The following KIRREL3 variants were observed in gnomAD, a reference collection of about 807,000 sequenced individuals.
KIRREL3 encodes kin of IRRE-like protein 3.
Under a neutral mutation model 89.7 loss-of-function variants are expected in KIRREL3, and 36 were observed. That is an observed-to-expected ratio of 0.40 (90% confidence interval 0.31 to 0.53). KIRREL3 has a LOEUF of 0.53. Among genes scored for constraint, KIRREL3 ranks in the 20% least tolerant of loss-of-function variants. The pLI, the probability that KIRREL3 is intolerant of heterozygous loss-of-function variation, is 0.49. For synonymous variants in KIRREL3, 445 were observed against 441.4 expected (o/e 1.01, Z -0.10); for missense variants, 864 against 1,056.6 (o/e 0.82, Z 2.53).
chr11:126,463,396 G>T lies in KIRREL3; in HGVS notation c.592-89C>A. 7.6e-7 allele frequency: 1 copy of T among 1,315,880 alleles called. No individual in the cohort carries two copies. The highest frequency in any genetic ancestry group is 1.4e-5 in the South Asian group (1 of 71,698). 81.5% of individuals were successfully genotyped at this position (1,315,880 alleles called of 1,614,324 possible). On this transcript the variant is annotated intron_variant, in intron 5 of 16. Transcript: ENST00000525144. The surrounding 1 kb of genome is among the most constrained non-coding windows in gnomAD (Gnocchi z 5.9). ...TTGGGGGTAAACGAGCACCAGCTTAGACAGAAGGGGGAGCTGTGGATGGAG... is the reference window on the plus strand; with the variant it reads ...TTGGGGGTAAACGAGCACCAGCTTATACAGAAGGGGGAGCTGTGGATGGAG...
At chr11:126,603,061 C>T (rs574939556) in intron 1 of KIRREL3, among the ~76,000 whole-genome samples, 10 of 152,270 alleles carry the variant, frequency 6.6e-5, no homozygotes, top group East Asian at 3.9e-4. Flanking sequence ...GTTCACCCAC[C>T]GTCACCCTGC....
At chr11:126,875,932 T>C (rs2846286) in intron 1 of KIRREL3, among the ~76,000 whole-genome samples, 129,088 of 151,836 alleles carry the variant, frequency 0.85, 55,099 homozygotes, top group East Asian at 1. Context: ...GAGAACTTGT[T>C]CCTATATCAT....
In KIRREL3 at chr11:126,622,202, T is replaced by C. The variant is rs1436495591; in HGVS notation, c.56-59290A>G. Among the ~76,000 whole-genome samples, 8 of 152,256 alleles carry C rather than the reference T, an allele frequency of 5.3e-5. No homozygotes were observed. The highest frequency in any genetic ancestry group is 2.0e-4 in the Admixed American group (3 of 15,290). ...ATACAGTAATTGTTCACTTGCTAAA[T>C]CAGCCAGTAGAGAACTTGGTATTCT... On this transcript the variant is annotated intron_variant, in intron 1 of 16. Coordinates refer to ENST00000525144, the MANE Select transcript of KIRREL3 (RefSeq NM_032531.4). This position sits in a 1 kb window ranked among gnomAD's most constrained non-coding sequence, Gnocchi z 5.2.
At chr11:126,445,726 A>G (rs974128034) in intron 9 of KIRREL3, among the ~76,000 whole-genome samples, 13 of 152,200 alleles carry the variant, frequency 8.5e-5, no homozygotes, top group Non-Finnish European at 1.5e-5. Flanking sequence ...CGTCTGCTAC[A>G]TAACAGGCCA....
At chr11:126,911,630 GAGA>G (rs1426981260) in intron 1 of KIRREL3, among the ~76,000 whole-genome samples, 9 of 152,172 alleles carry the variant, frequency 5.9e-5, no homozygotes, top group Admixed American at 2.0e-4. Context: ...TGATAAGGAA[GAGA>G]AGGACAGTCA....
At chr11:126,818,325 T>C (rs1180368102) in intron 1 of KIRREL3, among the ~76,000 whole-genome samples, 2 of 152,044 alleles carry the variant, frequency 1.3e-5, no homozygotes, top group African/African-American at 2.4e-5. Flanking sequence ...AAGTAAGTGA[T>C]TTTAGGGAGG....
chr11:126,923,176 C>T (rs111403519), intron 1 of KIRREL3, among the ~76,000 whole-genome samples: 1,017 of 18,042 alleles, frequency 0.056, 322 homozygotes, highest in East Asian at 0.17. Flanking sequence ...TCTTCTTCTT[C>T]TCTTCTTCTT....
intron 5 of KIRREL3, among the ~76,000 whole-genome samples, chr11:126,472,707 A>AGAGAGAGAGAGAG (rs1956929600): frequency 1.4e-5 from 2 of 147,150 alleles, no homozygotes; most frequent in African/African-American, 5.3e-5. Context: ...CATAGAGGAG[A>AGAGAGAGAGAGAG]GAGAGAGAGA....
At chr11:126,633,608 G>A (rs1392737215) in intron 1 of KIRREL3, among the ~76,000 whole-genome samples, 1 of 152,150 alleles carries the variant, frequency 6.6e-6, no homozygotes, top group Non-Finnish European at 1.5e-5. Context: ...TGCCATGAGC[G>A]GAAGATTCCT....
In KIRREL3 at chr11:126,898,445, G is replaced by A. The variant is rs1462292430; in HGVS notation, c.55+102010C>T. ...TGAATGCTGGATTCTCACACAGTGG[G>A]AAATTAGAAGAAACCTGGAGATGCA... On this transcript the variant is annotated intron_variant, in intron 1 of 16. Transcript: ENST00000525144. The surrounding 1 kb of genome is among the most constrained non-coding windows in gnomAD (Gnocchi z 4.9). 2.0e-5 allele frequency among the ~76,000 whole-genome samples: 3 copies of A among 152,156 alleles called. No homozygotes were observed. The highest frequency in any genetic ancestry group is 7.2e-5 in the African/African-American group (3 of 41,420).
chr11:126,473,768 G>T (rs1455185638), intron 4 of KIRREL3, among the ~76,000 whole-genome samples: 1 of 152,084 alleles, frequency 6.6e-6, no homozygotes, highest in Non-Finnish European at 1.5e-5. Context: ...GAGCTCTGTG[G>T]CCCAGGCGAT....
intron 4 of KIRREL3, among the ~76,000 whole-genome samples, chr11:126,483,523 A>G (rs1391585105): frequency 6.6e-6 from 1 of 152,196 alleles, no homozygotes; most frequent in African/African-American, 2.4e-5. Flanking sequence ...CACGGCATCA[A>G]CTGTCTCTCC....
chr11:126,518,210 G>A (rs531414392), intron 4 of KIRREL3, among the ~76,000 whole-genome samples: 1 of 152,328 alleles, frequency 6.6e-6, no homozygotes, highest in Non-Finnish European at 1.5e-5. Flanking sequence ...GCTAATTAAT[G>A]TGTCTGTGAC....
chr11:126,771,589 G>A lies in KIRREL3; in HGVS notation c.56-208677C>T, dbSNP rs2134300063. On this transcript the variant is annotated intron_variant, in intron 1 of 16. Coordinates refer to ENST00000525144, the MANE Select transcript of KIRREL3 (RefSeq NM_032531.4). This position sits in a 1 kb window ranked among gnomAD's most constrained non-coding sequence, Gnocchi z 4.4. The stretch of plus-strand genomic sequence containing the variant: ...GCACCAACCGAAATAGTTTTACCAG[G>A]GCAGGGAGACACTGTCTTTCACATT... 6.6e-6 allele frequency among the ~76,000 whole-genome samples: 1 copy of A among 152,246 alleles called. No individual in the cohort carries two copies. Among genetic ancestry groups the A allele is most frequent in the African/African-American group, 2.4e-5 (1 of 41,538 alleles).
intron 1 of KIRREL3, among the ~76,000 whole-genome samples, chr11:126,919,009 G>A (rs907321291): frequency 1.3e-5 from 2 of 149,270 alleles, no homozygotes; most frequent in African/African-American, 2.4e-5. Flanking sequence ...TTATATATAT[G>A]TATATATGTA....
intron 5 of KIRREL3, among the ~76,000 whole-genome samples, chr11:126,466,048 T>C (rs1034032110): frequency 6.6e-6 from 1 of 152,072 alleles, no homozygotes; most frequent in African/African-American, 2.4e-5. Flanking sequence ...TTCCAACGGA[T>C]GGGCTCTGGG....
In KIRREL3 at chr11:126,780,721, G is replaced by A. The variant is rs530785357; in HGVS notation, c.56-217809C>T. On this transcript the variant is annotated intron_variant, in intron 1 of 16. Transcript: ENST00000525144. This position sits in a 1 kb window ranked among gnomAD's most constrained non-coding sequence, Gnocchi z 5.3. ...AGGCTGGCAGGTGTATCCAGGGCAG[G>A]ATGTGAAAGCCTCCTGCAGTCTCAG... is the stretch of plus-strand genomic sequence containing the variant. Among the ~76,000 whole-genome samples the A allele has an allele frequency of 1.1e-3, 160 of 152,308 alleles. 1 individual carries two copies. Among genetic ancestry groups the A allele is most frequent in the Non-Finnish European group, 5.0e-4 (34 of 68,018 alleles).
At chr11:126,706,730 T>C (rs1947542075) in intron 1 of KIRREL3, among the ~76,000 whole-genome samples, 1 of 152,222 alleles carries the variant, frequency 6.6e-6, no homozygotes, top group Non-Finnish European at 1.5e-5. Context: ...AAGTTGTTCA[T>C]CTTTTGATAT....
chr11:126,463,345 C>T lies in KIRREL3; in HGVS notation c.592-38G>A, dbSNP rs751153857. On this transcript the variant is annotated intron_variant, in intron 5 of 16. Transcript: ENST00000525144. The surrounding 1 kb of genome is among the most constrained non-coding windows in gnomAD (Gnocchi z 5.9). ...GGAAAGGGGAGAGAAAGCTCCATGT[C>T]GCTTGGCTGGGGTGGCCAGCCTGGG... The T allele has an allele frequency of 3.0e-5, 48 of 1,592,332 alleles. No homozygotes were observed. Among genetic ancestry groups the T allele is most frequent in the East Asian group, 4.5e-5 (2 of 44,430 alleles).
Sources: gnomAD v4.1 joint callset for allele counts (sites outside exome capture counted in the v4.1 genomes callset) on GRCh38, gnomAD v4.1.1 for gene constraint, Gnocchi (gnomAD v3.1) non-coding constraint, MANE v1.5 for transcripts, NCBI Gene and HGNC (gene_info 2026-07-23, HGNC 2026-07-21) for gene names.